The following SPIN1 variants were observed in gnomAD, a reference collection of about 807,000 sequenced individuals.
The protein encoded by SPIN1 is spindlin-1.
Under a neutral mutation model 26.0 loss-of-function variants are expected in SPIN1, and 3 were observed. The ratio of observed to expected loss-of-function variants is 0.12; its 90% CI spans 0.05 to 0.30. The LOEUF (loss-of-function observed/expected upper bound fraction) is 0.30. Ranked by LOEUF, SPIN1 falls within the 10% of genes least tolerant of loss-of-function variation. The probability of loss-of-function intolerance (pLI) is 1.00; values close to 1 mark genes in which losing one functional copy is unlikely to be tolerated. For missense variants in SPIN1, 126 were observed against 333.4 expected, an observed-to-expected ratio of 0.38 and a Z score of 4.84; for synonymous variants, 101 against 116.5, an observed-to-expected ratio of 0.87 and a Z score of 0.86.
intron 1 of SPIN1, among the ~76,000 whole-genome samples, chr9:88,408,676 T>C (rs889313642): frequency 1.9e-4 from 25 of 129,484 alleles, no homozygotes; most frequent in African/African-American, 5.5e-4. Flanking sequence ...TGCCTGGCCC[T>C]TTTTTTTTTT....
Position 88,475,253 on chromosome 9 carries a change from C to G in SPIN1, c.765C>G (p.Val255=). The G allele has an allele frequency of 6.2e-7, 1 of 1,613,648 alleles. No homozygotes were observed. The highest frequency in any genetic ancestry group is 8.5e-7 in the Non-Finnish European group (1 of 1,179,866). The change falls in exon 6 of 6, where the codon GTC becomes GTG. Residue 255 remains valine (V), a synonymous_variant. Transcript: ENST00000375859. ...IKFDDDFHIY[V]YDLVKTS ...TTGATGATGATTTCCATATTTATGT[C>G]TACGATTTGGTGAAAACATCCTAGA...
intron 4 of SPIN1, among the ~76,000 whole-genome samples, chr9:88,463,668 A>T (rs2093067627): frequency 6.6e-6 from 1 of 151,768 alleles, no homozygotes. Flanking sequence ...ATTTTGTTTT[A>T]CTCTTCTCTT....
chr9:88,420,758 A>G (rs1341834626), intron 1 of SPIN1, among the ~76,000 whole-genome samples: 1 of 152,220 alleles, frequency 6.6e-6, no homozygotes, highest in African/African-American at 2.4e-5. Context: ...AACATTTTAC[A>G]AAACAGTGTA....
At chr9:88,467,302 A>T (rs1828688568) in intron 4 of SPIN1, among the ~76,000 whole-genome samples, 1 of 152,226 alleles carries the variant, frequency 6.6e-6, no homozygotes, top group South Asian at 2.1e-4. Context: ...CTGACCTGCT[A>T]TGATCTAGGT....
In SPIN1 at chr9:88,400,046, C is replaced by T. The variant is rs181377349; in HGVS notation, c.-159+11508C>T. ...TCTGCTGCCTTTCCCGGAGAAGCAG[C>T]CTTTCCAACCCTTCCCAGAGGAACT... is the stretch of plus-strand genomic sequence containing the variant. On this transcript the variant is annotated intron_variant, in intron 1 of 5. Transcript: ENST00000375859. 4.6e-5 allele frequency among the ~76,000 whole-genome samples: 7 copies of T among 152,256 alleles called. No homozygotes were observed. In the East Asian group the frequency reaches 1.4e-3, roughly 29 times the overall value.
intron 5 of SPIN1, among the ~76,000 whole-genome samples, chr9:88,471,971 G>T (rs566200376): frequency 6.6e-6 from 1 of 151,868 alleles, no homozygotes; most frequent in East Asian, 1.9e-4. Flanking sequence ...GCTAACTTTC[G>T]TATTTTTAGT....
intron 2 of SPIN1, among the ~76,000 whole-genome samples, chr9:88,445,457 T>C (rs1828228468): frequency 6.6e-6 from 1 of 151,614 alleles, no homozygotes; most frequent in South Asian, 2.1e-4. Context: ...CCAGTTTTAG[T>C]CTCCAAGGTA....
At chr9:88,398,698 C>G (rs1216720875) in intron 1 of SPIN1, among the ~76,000 whole-genome samples, 2 of 151,934 alleles carry the variant, frequency 1.3e-5, no homozygotes, top group Non-Finnish European at 2.9e-5. Context: ...GCCTCAGCCT[C>G]CTGAGTAGCT....
chr9:88,460,648 G>A (rs1002972687), intron 3 of SPIN1, among the ~76,000 whole-genome samples: 4 of 152,142 alleles, frequency 2.6e-5, no homozygotes, highest in Admixed American at 2.0e-4. Context: ...CAGTCCAAGG[G>A]CAGGAGAAGA....
At position 88,392,569 on chromosome 9, in the gene SPIN1, C is replaced by T. The variant is rs377752197; in HGVS notation, c.-159+4031C>T. 2.0e-5 allele frequency among the ~76,000 whole-genome samples: 3 copies of T among 151,996 alleles called. No individual in the cohort carries two copies. The East Asian group carries it at 5.8e-4, about 29-fold the overall frequency. On this transcript the variant is annotated intron_variant, in intron 1 of 5. Coordinates refer to ENST00000375859, the MANE Select transcript of SPIN1 (RefSeq NM_006717.3). ...CAGCCAAAAGTTAGCCCCTTGTTAC[C>T]TGTCTCCTCTCCTCTCCTCTCTTCT...
intron 3 of SPIN1, among the ~76,000 whole-genome samples, chr9:88,456,178 C>T (rs1828468300): frequency 6.6e-6 from 1 of 152,054 alleles, no homozygotes; most frequent in South Asian, 2.1e-4. Flanking sequence ...TATTGCCAAA[C>T]TAATCACTAG....
intron 3 of SPIN1, among the ~76,000 whole-genome samples, chr9:88,458,809 G>A (rs1828523697): frequency 1.3e-5 from 2 of 152,168 alleles, no homozygotes; most frequent in Admixed American, 1.3e-4. Flanking sequence ...TGAAGCTGCA[G>A]CACAAACAGC....
intron 1 of SPIN1, among the ~76,000 whole-genome samples, chr9:88,407,283 GGT>G (rs1282271495): frequency 6.6e-6 from 1 of 151,916 alleles, no homozygotes; most frequent in Non-Finnish European, 1.5e-5. Context: ...ACTACATACA[GGT>G]GTGCGCCACC....
At chr9:88,434,027 C>T (rs1248234586) in intron 2 of SPIN1, among the ~76,000 whole-genome samples, 1 of 151,886 alleles carries the variant, frequency 6.6e-6, no homozygotes, top group Non-Finnish European at 1.5e-5. Context: ...TAAGTGAGAA[C>T]TCAAGGGGAG....
At chr9:88,452,837 T>G (rs1229914190) in intron 3 of SPIN1, among the ~76,000 whole-genome samples, 2 of 152,212 alleles carry the variant, frequency 1.3e-5, no homozygotes, top group African/African-American at 2.4e-5. Context: ...AACCAGTCTT[T>G]TCTTCTAAAA....
intron 1 of SPIN1, 99 bp downstream of exon 1, chr9:88,388,637 C>A (rs1312201210): frequency 6.8e-6 from 1 of 147,756 alleles, no homozygotes; most frequent in African/African-American, 2.4e-5. Context: ...TGAGCGCGGC[C>A]CGCGCGGGGC....
Position 88,462,079 on chromosome 9 carries a change from T to C in SPIN1, c.102-417T>C, listed in dbSNP as rs117989196. Among the ~76,000 whole-genome samples the C allele has an allele frequency of 1.6e-3, 246 of 152,354 alleles. 3 individuals are homozygous for C. In the East Asian group the frequency reaches 0.037, roughly 23 times the overall value. On this transcript the variant is annotated intron_variant, in intron 3 of 5. Coordinates refer to ENST00000375859, the MANE Select transcript of SPIN1 (RefSeq NM_006717.3). Reference sequence around the variant, plus strand: ...TTTCTTTTTAACTTGAAGTAGATATTATATAAAACTATATACCTGTGTGAT... The same window carrying C: ...TTTCTTTTTAACTTGAAGTAGATATCATATAAAACTATATACCTGTGTGAT...
chr9:88,426,727 T>C (rs1221196818), intron 2 of SPIN1, 136 bp downstream of exon 2: 3 of 591,656 alleles, frequency 5.1e-6, no homozygotes, highest in Non-Finnish European at 8.5e-6. Context: ...CACATATGCA[T>C]ATATTAAGAA....
At chr9:88,396,775 C>T (rs1827070072) in intron 1 of SPIN1, among the ~76,000 whole-genome samples, 1 of 151,994 alleles carries the variant, frequency 6.6e-6, no homozygotes, top group South Asian at 2.1e-4. Flanking sequence ...CTTACACAAA[C>T]CTATATGGGA....
Sources: gnomAD v4.1 joint callset for allele counts (sites outside exome capture counted in the v4.1 genomes callset) on GRCh38, gnomAD v4.1.1 for gene constraint, MANE v1.5 for transcripts, NCBI Gene and HGNC (gene_info 2026-07-23, HGNC 2026-07-21) for gene names.